Variants in ROBO2 observed in about 807,000 individuals in gnomAD.
ROBO2 encodes roundabout homolog 2.
Under a neutral mutation model 160.8 loss-of-function variants are expected in ROBO2, and 53 were observed. The observed-to-expected ratio is 0.33, with a 90% confidence interval of 0.26 to 0.41. The LOEUF (loss-of-function observed/expected upper bound fraction) is 0.41, where lower values mean the gene tolerates loss of function less well. Ranked by LOEUF, ROBO2 falls within the 10% of genes least tolerant of loss-of-function variation. ROBO2 has a pLI of 1.00. For synonymous variants in ROBO2, 664 were observed against 611.7 expected, an observed-to-expected ratio of 1.09 and a Z score of -1.26; for missense variants, 1,577 against 1,722.4, an observed-to-expected ratio of 0.92 and a Z score of 1.49.
At chr3:75,930,194 G>T (rs1175963796) in intron 1 of ROBO2, among the ~76,000 whole-genome samples, 2 of 151,902 alleles carry the variant, frequency 1.3e-5, no homozygotes, top group Non-Finnish European at 2.9e-5. Flanking sequence ...TTCTATAAGG[G>T]TATGTGCCAC....
chr3:76,864,710 C>G (rs750940106), intron 2 of ROBO2, among the ~76,000 whole-genome samples: 4 of 151,978 alleles, frequency 2.6e-5, no homozygotes, highest in African/African-American at 9.6e-5. Flanking sequence ...ATTTGACATC[C>G]GCAGGCACAA....
chr3:77,070,816 C>T lies in ROBO2; in HGVS notation c.62-27198C>T, dbSNP rs75120609. Among the ~76,000 whole-genome samples the T allele has an allele frequency of 7.6e-3, 1,154 of 152,086 alleles. 16 individuals carry two copies. The highest frequency in any genetic ancestry group is 0.026 in the African/African-American group (1,086 of 41,486). On this transcript the variant is annotated intron_variant, in intron 1 of 25. Coordinates refer to ENST00000461745, the Ensembl canonical transcript of ROBO2. ...TTCAAAGAGGTATCTCGGGCTATTG[C>T]GTAGAGGATGGACTGTGATGGGGAA...
intron 2 of ROBO2, among the ~76,000 whole-genome samples, chr3:76,878,430 A>T (rs2072998642): frequency 6.6e-6 from 1 of 152,190 alleles, no homozygotes; most frequent in South Asian, 2.1e-4. Flanking sequence ...AATGGTATGT[A>T]ATTGGCTTAA....
intron 2 of ROBO2, among the ~76,000 whole-genome samples, chr3:77,367,106 C>A (rs558098729): frequency 1.3e-5 from 2 of 152,198 alleles, no homozygotes; most frequent in South Asian, 2.1e-4. Flanking sequence ...TTGCCTGAAC[C>A]TTTTGTGTCA....
intron 2 of ROBO2, among the ~76,000 whole-genome samples, chr3:76,031,622 G>T (rs191836616): frequency 5.2e-4 from 79 of 152,010 alleles, no homozygotes; most frequent in African/African-American, 1.7e-3. Context: ...TGAGATAATC[G>T]TGTGGTTTTT....
chr3:77,036,844 T>C (rs550700088), upstream of ROBO2, among the ~76,000 whole-genome samples: 305 of 152,116 alleles, frequency 2.0e-3, no homozygotes, highest in African/African-American at 7.0e-3. Flanking sequence ...TGTTTCTTTT[T>C]GGCTTAAGGA....
At chr3:76,176,913 T>C (rs1434371730) in intron 2 of ROBO2, among the ~76,000 whole-genome samples, 2 of 152,120 alleles carry the variant, frequency 1.3e-5, no homozygotes, top group African/African-American at 2.4e-5. Flanking sequence ...ACTATACAAC[T>C]ACTAAAGGGT....
At chr3:76,763,989 A>C (rs1163355939) in intron 2 of ROBO2, among the ~76,000 whole-genome samples, 2 of 151,768 alleles carry the variant, frequency 1.3e-5, no homozygotes, top group Non-Finnish European at 3.0e-5. Context: ...TATTTATTCC[A>C]ACTTTAACAT....
At chr3:77,446,496 A>T (rs1349993269) in intron 2 of ROBO2, among the ~76,000 whole-genome samples, 2 of 152,124 alleles carry the variant, frequency 1.3e-5, no homozygotes, top group African/African-American at 4.8e-5. Flanking sequence ...ACATCAAAAT[A>T]AGTATATATC....
chr3:76,541,892 C>T (rs73129126), intron 2 of ROBO2, among the ~76,000 whole-genome samples: 13,460 of 152,170 alleles, frequency 0.088, 700 homozygotes, highest in Middle Eastern at 0.12. Context: ...TATATATTAA[C>T]ACCATCCCAG....
intron 2 of ROBO2, among the ~76,000 whole-genome samples, chr3:76,649,891 T>G (rs2109859825): frequency 6.6e-6 from 1 of 152,260 alleles, no homozygotes; most frequent in Admixed American, 6.5e-5. Flanking sequence ...ATAGTAATAT[T>G]ATAGCATTGA....
At chr3:76,316,975 T>G (rs917458734) in intron 2 of ROBO2, among the ~76,000 whole-genome samples, 2 of 152,220 alleles carry the variant, frequency 1.3e-5, no homozygotes, top group African/African-American at 2.4e-5. Context: ...TAGTTCTAAC[T>G]TCCAGATAAA....
chr3:76,514,878 ATGT>A (rs1195522650), intron 2 of ROBO2, among the ~76,000 whole-genome samples: 3 of 152,198 alleles, frequency 2.0e-5, no homozygotes, highest in Non-Finnish European at 4.4e-5. Context: ...TCTTTCCATA[ATGT>A]TGTTCAATAG....
chr3:77,648,157 A>T (rs1194462779), exon 26 of ROBO2: 2 of 152,220 alleles, frequency 1.3e-5, no homozygotes, highest in African/African-American at 4.8e-5. Context: ...GAGTGAATAC[A>T]TACTTATTCA....
At chr3:77,254,159 A>G (rs572171583) in intron 2 of ROBO2, among the ~76,000 whole-genome samples, 2 of 152,266 alleles carry the variant, frequency 1.3e-5, no homozygotes, top group South Asian at 4.1e-4. Context: ...GGTCTTAGCT[A>G]CTCGCTGAGG....
At chr3:77,236,399 G>C (rs1477924883) in intron 2 of ROBO2, among the ~76,000 whole-genome samples, 1 of 152,122 alleles carries the variant, frequency 6.6e-6, no homozygotes, top group Non-Finnish European at 1.5e-5. Context: ...TGCTAATGCT[G>C]GTCAGCTTTT....
intron 2 of ROBO2, among the ~76,000 whole-genome samples, chr3:76,990,309 C>T (rs2060596015): frequency 6.6e-6 from 1 of 152,066 alleles, no homozygotes; most frequent in East Asian, 1.9e-4. Flanking sequence ...CATATGGGCA[C>T]AGTTACATAT....
intron 2 of ROBO2, among the ~76,000 whole-genome samples, chr3:76,209,627 G>C (rs530886220): frequency 1.3e-5 from 2 of 152,116 alleles, no homozygotes; most frequent in African/African-American, 4.8e-5. Flanking sequence ...GGTAAGATTG[G>C]TGTTAATTTT....
chr3:77,449,395 T>C lies in ROBO2; in HGVS notation c.389-28019T>C, dbSNP rs1238021616. On this transcript the variant is annotated intron_variant, in intron 2 of 25. Transcript: ENST00000461745. ...TTAGGTTGTTAAATATGCAGTCAGA[T>C]TGGCAAATATATATTTAGGGATGAG... Among the ~76,000 whole-genome samples the C allele has an allele frequency of 2.0e-5, 3 of 152,162 alleles. No homozygotes were observed. In the East Asian group the frequency reaches 5.8e-4, roughly 29 times the overall value.
Sources: allele counts gnomAD v4.1 joint callset (sites outside exome capture counted in the v4.1 genomes callset), GRCh38; gene constraint gnomAD v4.1.1; transcripts MANE v1.5; gene names NCBI Gene and HGNC (gene_info 2026-07-23, HGNC 2026-07-21).